The following RBM39 variants were observed in gnomAD, a reference collection of about 807,000 sequenced individuals.
The protein encoded by RBM39 is RNA binding motif protein 39, also known as RNA-binding protein 39.
A neutral mutation model predicts 79.6 loss-of-function variants in RBM39; 12 were observed. The ratio of observed to expected loss-of-function variants is 0.15; its 90% CI spans 0.10 to 0.24. RBM39 has a LOEUF of 0.24. RBM39 is among the 10% of genes least tolerant of loss of function. The pLI is 1.00. For synonymous variants in RBM39, 185 were observed against 208.4 expected, an observed-to-expected ratio of 0.89 and a Z score of 0.97; for missense variants, 243 against 653.4, an observed-to-expected ratio of 0.37 and a Z score of 6.85.
chr20:35,712,376 T>C (rs1003099980), intron 12 of RBM39, among the ~76,000 whole-genome samples: 1 of 135,074 alleles, frequency 7.4e-6, no homozygotes, highest in Non-Finnish European at 1.5e-5. Context: ...CAGGTTGCAG[T>C]GAGCCGAGAC....
Position 35,722,069 on chromosome 20 carries a change from A to AT in RBM39, c.688-193dup, listed in dbSNP as rs142133710. ...AATTCAGAAAGAGGAGGTAGATAAC[A>AT]TTTTACCAAGGGCCTGCAGGAAATT... On this transcript the variant is annotated intron_variant, in intron 8 of 16. Transcript: ENST00000253363. 8.0e-3 allele frequency among the ~76,000 whole-genome samples: 1,212 copies of AT among 152,268 alleles called. 18 individuals carry two copies. Among genetic ancestry groups the AT allele is most frequent in the African/African-American group, 0.028 (1,158 of 41,542 alleles).
intron 13 of RBM39, among the ~76,000 whole-genome samples, chr20:35,708,257 CTG>C (rs776961475): frequency 1.3e-5 from 2 of 151,670 alleles, no homozygotes; most frequent in Admixed American, 6.6e-5. Flanking sequence ...TGTATTATAA[CTG>C]TGCAAAAATG....
At chr20:35,728,632 C>T (rs1479589033) in intron 6 of RBM39, among the ~76,000 whole-genome samples, 2 of 151,996 alleles carry the variant, frequency 1.3e-5, no homozygotes, top group Non-Finnish European at 2.9e-5. Context: ...CAAAAATTTG[C>T]CGGGCATTGT....
At chr20:35,734,663 C>A (rs17093035) in intron 3 of RBM39, 2 of 472,788 alleles carry the variant, frequency 4.2e-6, no homozygotes, top group Non-Finnish European at 6.9e-6. Context: ...AACTTAAGGT[C>A]TTCTAGGACT....
At position 35,707,284 on chromosome 20, in the gene RBM39, C is replaced by T. The variant is rs1600379550; in HGVS notation, c.1226-83G>A. 1.2e-5 allele frequency: 10 copies of T among 847,568 alleles called. No individual in the cohort carries two copies. In the East Asian group the frequency reaches 2.8e-4, roughly 24 times the overall value. 52.5% of individuals were successfully genotyped at this position (847,568 alleles called of 1,614,324 possible). ...AAATACTTTAAAACGAAACCAAAAA[C>T]CCACCCCAAGCATGTAACTAGGATG... On this transcript the variant is annotated intron_variant, in intron 13 of 16. Coordinates refer to ENST00000253363, the MANE Select transcript of RBM39 (RefSeq NM_184234.3).
chr20:35,702,335 T>G lies in RBM39; in HGVS notation c.*2146A>C, dbSNP rs1287812220. 1 of 152,190 alleles carries G rather than the reference T, an allele frequency of 6.6e-6. No individual in the cohort carries two copies. The highest frequency in any genetic ancestry group is 6.5e-5 in the Admixed American group (1 of 15,272). 9.4% of individuals were successfully genotyped at this position (152,190 alleles called of 1,614,324 possible). On this transcript the variant is annotated 3_prime_UTR_variant, in exon 17 of 17. Coordinates refer to ENST00000253363, the MANE Select transcript of RBM39 (RefSeq NM_184234.3). ...CAGGAACTGATTGGACATAAACAGT[T>G]TCACTCAGAATGAGCTGTTTTCTAT...
At chr20:35,709,362 G>T in intron 12 of RBM39, 88 bp from the exon 13 acceptor site, 1 of 1,138,966 alleles carries the variant, frequency 8.8e-7, no homozygotes. Flanking sequence ...ACAATAGCAG[G>T]GTTCATTCAA....
At chr20:35,713,281 G>A (rs2146528776) in intron 11 of RBM39, 185 bp from the exon 12 acceptor site, 4 of 490,866 alleles carry the variant, frequency 8.1e-6, no homozygotes, top group Non-Finnish European at 1.5e-5. Context: ...AAATCCCAGA[G>A]ATCGAGACCA....
In RBM39 at chr20:35,705,206, TAA is replaced by T. The variant is rs763229381; in HGVS notation, c.1413+17_1413+18del. ...GAGACGAACAACCTAACATCATTTA[TAA>T]AAAAAGATGAAAATACCTGAGCTGA... On this transcript the variant is annotated intron_variant, in intron 15 of 16. Transcript: ENST00000253363. 9 of 1,411,534 alleles carry T rather than the reference TAA, an allele frequency of 6.4e-6. No homozygotes were observed. The highest frequency in any genetic ancestry group is 8.8e-6 in the Non-Finnish European group (9 of 1,020,068). 87.4% of individuals were successfully genotyped at this position (1,411,534 alleles called of 1,614,324 possible).
chr20:35,731,407 G>C (rs532991725), intron 4 of RBM39: 1 of 152,664 alleles, frequency 6.6e-6, no homozygotes, highest in Admixed American at 6.5e-5. Flanking sequence ...CTTAAATACA[G>C]ATGAGCCCAA....
chr20:35,713,103 A>G lies in RBM39; in HGVS notation c.1097-7T>C. 6.2e-7 allele frequency: 1 copy of G among 1,611,878 alleles called. No individual in the cohort carries two copies. The highest frequency in any genetic ancestry group is 1.1e-5 in the South Asian group (1 of 90,824). On this transcript the variant is annotated splice_region_variant and splice_polypyrimidine_tract_variant and intron_variant, in intron 11 of 16. Coordinates refer to ENST00000253363, the MANE Select transcript of RBM39 (RefSeq NM_184234.3). ...GGAATCTGCAAACCTGTACCTGTAA[A>G]AGAATAGTCTTAAAGTTCCTACTAT...
At chr20:35,717,860 G>C (rs932501299) in intron 9 of RBM39, among the ~76,000 whole-genome samples, 1 of 143,580 alleles carries the variant, frequency 7.0e-6, no homozygotes, top group Non-Finnish European at 1.5e-5. Flanking sequence ...AACAAGAAAG[G>C]AACTTTTTTT....
chr20:35,704,461 A>G lies in RBM39; in HGVS notation c.*20T>C, dbSNP rs192253318. 73 of 1,528,544 alleles carry G rather than the reference A, an allele frequency of 4.8e-5. No homozygotes were observed. Among genetic ancestry groups the G allele is most frequent in the Non-Finnish European group, 2.0e-5 (22 of 1,109,470 alleles). The allele number at this position is 1,528,544 out of a possible 1,614,324, so 94.7% of individuals were successfully genotyped here. ...TCAAGAAAGAAAAAAAGCTATATAC[A>G]TAAGGGACTATATCTTCCTTCATCG... On this transcript the variant is annotated 3_prime_UTR_variant, in exon 17 of 17. Transcript: ENST00000253363.
At chr20:35,726,285 C>A (rs981611375) in intron 6 of RBM39, among the ~76,000 whole-genome samples, 1 of 152,084 alleles carries the variant, frequency 6.6e-6, no homozygotes, top group Non-Finnish European at 1.5e-5. Context: ...GTGTGTGCCA[C>A]CATGCCTGGC....
At chr20:35,706,393 A>C (rs1367931311) in intron 14 of RBM39, among the ~76,000 whole-genome samples, 1 of 152,238 alleles carries the variant, frequency 6.6e-6, no homozygotes, top group African/African-American at 2.4e-5. Flanking sequence ...AAAGTTTATC[A>C]CCATTTCATA....
intron 8 of RBM39, 140 bp from the exon 9 acceptor site, chr20:35,722,017 T>C: frequency 1.1e-6 from 1 of 920,802 alleles, no homozygotes; most frequent in Non-Finnish European, 1.6e-6. Context: ...ACATATCAAC[T>C]TAATAGGAGG....
chr20:35,710,518 C>A (rs1234059793), intron 12 of RBM39: 2 of 152,034 alleles, frequency 1.3e-5, no homozygotes, highest in Non-Finnish European at 2.9e-5. Context: ...TCATTTGTGA[C>A]AAAGTGAAAA....
chr20:35,731,569 A>C (rs2039370348), intron 4 of RBM39: 1 of 189,622 alleles, frequency 5.3e-6, no homozygotes, highest in African/African-American at 2.4e-5. Flanking sequence ...ATTTTAAGTA[A>C]ATATGTATTT....
intron 14 of RBM39, among the ~76,000 whole-genome samples, chr20:35,705,668 GA>G (rs2035632998): frequency 6.6e-6 from 1 of 151,800 alleles, no homozygotes; most frequent in Non-Finnish European, 1.5e-5. Context: ...AGTGGTGGCA[GA>G]TGCCTGAAAT....
Sources: allele counts gnomAD v4.1 joint callset (sites outside exome capture counted in the v4.1 genomes callset), GRCh38; gene constraint gnomAD v4.1.1; transcripts MANE v1.5; gene names NCBI Gene and HGNC (gene_info 2026-07-23, HGNC 2026-07-21).